The following PDE4B variants were observed in gnomAD, a reference collection of about 807,000 sequenced individuals.
The protein encoded by PDE4B is 3',5'-cyclic-AMP phosphodiesterase 4B.
PDE4B carries 20 observed loss-of-function variants against 82.2 expected under a neutral mutation model. The ratio of observed to expected loss-of-function variants is 0.24; its 90% CI spans 0.17 to 0.35. The LOEUF (loss-of-function observed/expected upper bound fraction) is 0.35. Among genes scored for constraint, PDE4B ranks in the 10% least tolerant of loss-of-function variants. The pLI, the probability that PDE4B is intolerant of heterozygous loss-of-function variation, is 1.00. For missense variants in PDE4B, 655 were observed against 907.2 expected (o/e 0.72, Z 3.57); for synonymous variants, 320 against 318.9 (o/e 1.00, Z -0.04).
intron 3 of PDE4B, among the ~76,000 whole-genome samples, chr1:66,229,096 C>G (rs1651713974): frequency 6.6e-6 from 1 of 152,086 alleles, no homozygotes; most frequent in South Asian, 2.1e-4. Flanking sequence ...CTAGCTCTGC[C>G]TCCTGGGTTC....
intron 12 of PDE4B, 48 bp from the exon 13 acceptor site, chr1:66,365,619 G>A (rs1244753158): frequency 4.7e-6 from 5 of 1,075,258 alleles, no homozygotes; most frequent in Non-Finnish European, 7.2e-6. Context: ...TGAATAAGCA[G>A]GATAGGCGAA....
intron 10 of PDE4B, 114 bp downstream of exon 10, chr1:66,361,907 G>A: frequency 1.2e-6 from 1 of 815,370 alleles, no homozygotes; most frequent in Non-Finnish European, 1.9e-6. Flanking sequence ...TACATTTTGT[G>A]TTAGGGAAGC....
At chr1:66,215,821 A>G (rs1300654471) in intron 3 of PDE4B, among the ~76,000 whole-genome samples, 1 of 152,108 alleles carries the variant, frequency 6.6e-6, no homozygotes. Flanking sequence ...AGGAGAGCTA[A>G]AGGGATGATA....
At chr1:65,955,783 G>A (rs544171179) in intron 3 of PDE4B, among the ~76,000 whole-genome samples, 18 of 152,230 alleles carry the variant, frequency 1.2e-4, no homozygotes, top group African/African-American at 3.4e-4. Context: ...GTCATTTATA[G>A]GGTTACGTGC....
chr1:66,088,480 A>T (rs1345485418), intron 3 of PDE4B, among the ~76,000 whole-genome samples: 2 of 151,938 alleles, frequency 1.3e-5, no homozygotes, highest in Non-Finnish European at 2.9e-5. Flanking sequence ...TATTAATATA[A>T]CCTATTCGTA....
At chr1:65,916,713 T>G (rs942596202) in intron 2 of PDE4B, among the ~76,000 whole-genome samples, 1 of 151,948 alleles carries the variant, frequency 6.6e-6, no homozygotes, top group South Asian at 2.1e-4. Flanking sequence ...TATATATTAG[T>G]TTTTCCCTTT....
chr1:65,814,202 G>T (rs530866015), intron 1 of PDE4B, among the ~76,000 whole-genome samples: 1 of 152,292 alleles, frequency 6.6e-6, no homozygotes, highest in African/African-American at 2.4e-5. Flanking sequence ...AGCTCAGGGT[G>T]TGTGTCAGCA....
intron 7 of PDE4B, among the ~76,000 whole-genome samples, chr1:66,314,284 A>T (rs866350975): frequency 6.6e-5 from 10 of 152,178 alleles, no homozygotes; most frequent in Admixed American, 1.3e-4. Flanking sequence ...TCATAGTTGC[A>T]CATTCCCTCT....
chr1:65,889,101 GT>G (rs1646824799), intron 1 of PDE4B, among the ~76,000 whole-genome samples: 1 of 152,012 alleles, frequency 6.6e-6, no homozygotes, highest in Non-Finnish European at 1.5e-5. Context: ...TTTTGTTGAG[GT>G]ATGTCTCTTC....
At chr1:66,331,004 GA>G (rs1210142751) in intron 7 of PDE4B, among the ~76,000 whole-genome samples, 1 of 152,136 alleles carries the variant, frequency 6.6e-6, no homozygotes. Flanking sequence ...TGTTTATCTT[GA>G]AGTGTATGAA....
At chr1:66,137,513 A>G (rs1646082233) in intron 3 of PDE4B, among the ~76,000 whole-genome samples, 1 of 152,254 alleles carries the variant, frequency 6.6e-6, no homozygotes, top group Non-Finnish European at 1.5e-5. Context: ...CCACTCATTT[A>G]GAAATTATAA....
intron 3 of PDE4B, among the ~76,000 whole-genome samples, chr1:66,167,961 G>C (rs772597870): frequency 3.3e-5 from 5 of 152,068 alleles, no homozygotes; most frequent in Admixed American, 1.3e-4. Flanking sequence ...TTTCTGTTCA[G>C]TCCTTCTCAA....
At chr1:66,099,218 G>C (rs1206201837) in intron 3 of PDE4B, among the ~76,000 whole-genome samples, 2 of 152,082 alleles carry the variant, frequency 1.3e-5, no homozygotes, top group Non-Finnish European at 2.9e-5. Flanking sequence ...AACATGCGGT[G>C]CTTGATTTTC....
intron 3 of PDE4B, among the ~76,000 whole-genome samples, chr1:66,137,955 A>G (rs1329442775): frequency 6.6e-6 from 1 of 152,222 alleles, no homozygotes; most frequent in Non-Finnish European, 1.5e-5. Flanking sequence ...TTATAAATGA[A>G]TGTAATTATT....
intron 3 of PDE4B, among the ~76,000 whole-genome samples, chr1:66,129,659 C>CAAAAAAAAA (rs59846345): frequency 4.2e-5 from 4 of 94,780 alleles, no homozygotes; most frequent in East Asian, 2.7e-4. Context: ...GACTCCGTCT[C>CAAAAAAAAA]AAAAAAAAAA....
At chr1:66,092,379 T>G (rs1645042215) in intron 3 of PDE4B, among the ~76,000 whole-genome samples, 1 of 152,020 alleles carries the variant, frequency 6.6e-6, no homozygotes. Context: ...AAGTCACACT[T>G]TTCAAGAATC....
intron 1 of PDE4B, among the ~76,000 whole-genome samples, chr1:65,855,885 A>G (rs1646386704): frequency 6.6e-6 from 1 of 151,852 alleles, no homozygotes; most frequent in Non-Finnish European, 1.5e-5. Context: ...GGCTAACCTC[A>G]TTTGCCTGCA....
At chr1:66,057,018 A>G (rs1410413120) in intron 3 of PDE4B, among the ~76,000 whole-genome samples, 1 of 152,194 alleles carries the variant, frequency 6.6e-6, no homozygotes, top group African/African-American at 2.4e-5. Flanking sequence ...TATTGAAGGA[A>G]ATAAATATAT....
intron 3 of PDE4B, among the ~76,000 whole-genome samples, chr1:66,102,113 T>C (rs1179313185): frequency 2.0e-5 from 3 of 152,202 alleles, no homozygotes; most frequent in African/African-American, 7.2e-5. Flanking sequence ...TTCTTGTTTT[T>C]GTCATGTTTG....
Sources: allele counts gnomAD v4.1 joint callset (sites outside exome capture counted in the v4.1 genomes callset), GRCh38; gene constraint gnomAD v4.1.1; transcripts MANE v1.5; gene names NCBI Gene and HGNC (gene_info 2026-07-23, HGNC 2026-07-21).